The following AMMECR1 variants were observed in gnomAD, a reference collection of about 807,000 sequenced individuals.
The protein encoded by AMMECR1 is AMMECR nuclear protein 1.
Under a neutral mutation model 22.5 loss-of-function variants are expected in AMMECR1, and 3 were observed. The observed-to-expected ratio is 0.13, with a 90% CI of 0.06 to 0.35. The LOEUF is 0.35. Among genes scored for constraint, AMMECR1 ranks in the 10% least tolerant of loss-of-function variants. The pLI is 1.00. For synonymous variants in AMMECR1, 130 were observed against 116.7 expected, an observed-to-expected ratio of 1.11 and a Z score of -0.74; for missense variants, 235 against 278.7, an observed-to-expected ratio of 0.84 and a Z score of 1.12.
intron 1 of AMMECR1, among the ~76,000 whole-genome samples, chrX:110,439,594 A>G (rs2068864849): frequency 8.9e-6 from 1 of 112,321 alleles, no homozygotes; most frequent in Non-Finnish European, 1.9e-5. Context: ...GTCCAACATA[A>G]GAAATCAGGT....
At chrX:110,218,638 T>A (rs1194439016) in intron 2 of AMMECR1, among the ~76,000 whole-genome samples, 1 of 108,906 alleles carries the variant, frequency 9.2e-6, no homozygotes, top group Non-Finnish European at 1.9e-5. Flanking sequence ...TCCATAACAC[T>A]TTTATTGAGA....
chrX:110,409,204 C>T (rs1232537921), intron 2 of AMMECR1, among the ~76,000 whole-genome samples: 1 of 109,763 alleles, frequency 9.1e-6, no homozygotes, highest in African/African-American at 3.3e-5. Flanking sequence ...TTTTTTGAGA[C>T]GGGGACTTTT....
chrX:110,343,809 G>A lies in AMMECR1; in HGVS notation c.-147-25960C>T, dbSNP rs768653259. Among the ~76,000 whole-genome samples the A allele has an allele frequency of 4.9e-3, 542 of 110,640 alleles. 5 individuals carry two copies. The highest frequency in any genetic ancestry group is 0.017 in the African/African-American group (518 of 30,435). On this transcript the variant is annotated intron_variant, in intron 2 of 7. Transcript: ENST00000372057. ...AAGGGATGTGAAGGACCTCTTCAAG[G>A]AGAACTACAAACCACTGCTCAATGA...
At chrX:110,245,307 ACT>A (rs1245736441) in intron 2 of AMMECR1, among the ~76,000 whole-genome samples, 1 of 111,746 alleles carries the variant, frequency 8.9e-6, no homozygotes, top group Non-Finnish European at 1.9e-5. Context: ...TGCATTCACA[ACT>A]CTTTTATACC....
chrX:110,269,908 G>T (rs1187385497), intron 1 of AMMECR1, among the ~76,000 whole-genome samples: 4 of 111,916 alleles, frequency 3.6e-5, no homozygotes, highest in African/African-American at 1.3e-4. Flanking sequence ...ATAAACAACA[G>T]AAATTTATTT....
chrX:110,198,566 T>C lies in AMMECR1; in HGVS notation c.956A>G (p.Gln319Arg). ...CGGAAGGGGATGCCCAATGCCATTT[T>C]GGAAATGATGATGCTGGCGATGAGC... is the stretch of plus-strand genomic sequence containing the variant. ...YLAHRQHHHF[Q>R]NGIGHPLPPY... Residue 319 changes from glutamine (Q) to arginine (R), a missense_variant, in exon 6 of 6, where the codon CAA becomes CGA. This residue lies in a region of AMMECR1 where 111 missense variants were observed against 181.7 expected (regional missense o/e 0.61). Coordinates refer to ENST00000262844, the MANE Select transcript of AMMECR1 (RefSeq NM_015365.3). The C allele has an allele frequency of 2.5e-6, 3 of 1,202,341 alleles. No individual in the cohort carries two copies.
intron 2 of AMMECR1, among the ~76,000 whole-genome samples, chrX:110,335,757 C>T (rs1569409685): frequency 8.9e-6 from 1 of 111,847 alleles, no homozygotes; most frequent in Non-Finnish European, 1.9e-5. Context: ...TTTTAGAATC[C>T]CTAATTCATC....
chrX:110,386,335 T>A (rs1181481452), intron 2 of AMMECR1, among the ~76,000 whole-genome samples: 2 of 109,951 alleles, frequency 1.8e-5, no homozygotes, highest in Non-Finnish European at 3.8e-5. Flanking sequence ...TTATTATTTT[T>A]ATTATATTTA....
chrX:110,430,578 A>G (rs1311044081), intron 1 of AMMECR1, among the ~76,000 whole-genome samples: 2 of 112,009 alleles, frequency 1.8e-5, no homozygotes, highest in Non-Finnish European at 3.8e-5. Context: ...CAGTAGTGAC[A>G]GAAGCAATAG....
At chrX:110,233,787 T>C (rs900755226) in intron 2 of AMMECR1, among the ~76,000 whole-genome samples, 10 of 112,143 alleles carry the variant, frequency 8.9e-5, no homozygotes, top group African/African-American at 2.9e-4. Context: ...CAACCCTTCA[T>C]GCTAAAAACT....
intron 3 of AMMECR1, among the ~76,000 whole-genome samples, chrX:110,216,259 T>G (rs771311928): frequency 1.8e-5 from 2 of 111,873 alleles, no homozygotes; most frequent in Admixed American, 1.9e-4. Context: ...TAACAGCTTT[T>G]ATGAGGTGCT....
At chrX:110,344,905 A>T (rs1417454810) in intron 2 of AMMECR1, among the ~76,000 whole-genome samples, 1 of 112,319 alleles carries the variant, frequency 8.9e-6, no homozygotes, top group Admixed American at 9.4e-5. Flanking sequence ...TGGGACTGTA[A>T]ACTAGTTCAG....
chrX:110,278,058 C>T (rs2067835056), intron 1 of AMMECR1, among the ~76,000 whole-genome samples: 2 of 111,473 alleles, frequency 1.8e-5, no homozygotes, highest in Admixed American at 9.6e-5. Context: ...AATCTTACAG[C>T]ACAGCTATTT....
intron 2 of AMMECR1, among the ~76,000 whole-genome samples, chrX:110,384,785 A>C (rs1050536596): frequency 1.8e-5 from 2 of 111,089 alleles, no homozygotes; most frequent in Non-Finnish European, 3.8e-5. Flanking sequence ...CATTGGACAT[A>C]GTATCTTTCA....
chrX:110,438,942 G>A (rs1459679113), intron 1 of AMMECR1, among the ~76,000 whole-genome samples: 1 of 112,242 alleles, frequency 8.9e-6, no homozygotes, highest in Non-Finnish European at 1.9e-5. Flanking sequence ...AAAGTTCAGA[G>A]AAGAGCACAG....
chrX:110,339,071 T>TAA (rs1032290466), intron 2 of AMMECR1, among the ~76,000 whole-genome samples: 1 of 111,069 alleles, frequency 9.0e-6, no homozygotes, highest in African/African-American at 3.3e-5. Flanking sequence ...GACCTTTGAG[T>TAA]AAAAAATTAA....
At chrX:110,353,420 T>C (rs962685379) in intron 2 of AMMECR1, among the ~76,000 whole-genome samples, 4 of 109,913 alleles carry the variant, frequency 3.6e-5, no homozygotes, top group Non-Finnish European at 7.6e-5. Context: ...TTAAGAGCTT[T>C]CTTCTATTAT....
intron 2 of AMMECR1, among the ~76,000 whole-genome samples, chrX:110,232,450 A>G (rs146850605): frequency 0.045 from 5,026 of 111,821 alleles, 305 homozygotes; most frequent in African/African-American, 0.16. Context: ...CAGAAATAAA[A>G]ATGTTCTTTG....
intron 2 of AMMECR1, among the ~76,000 whole-genome samples, chrX:110,384,629 T>C (rs186161275): frequency 4.0e-3 from 447 of 111,263 alleles, no homozygotes; most frequent in African/African-American, 0.014. Context: ...TTCCTAAGAA[T>C]CCAGAGGAAA....
Sources: allele counts gnomAD v4.1 joint callset (sites outside exome capture counted in the v4.1 genomes callset), GRCh38; gene constraint gnomAD v4.1.1; regional missense constraint gnomAD v4.1.1; transcripts MANE v1.5; gene names NCBI Gene and HGNC (gene_info 2026-07-23, HGNC 2026-07-21).